Variants in FIG4 observed in about 807,000 individuals in gnomAD.
The protein encoded by FIG4 is FIG4 phosphoinositide 5-phosphatase.
A neutral mutation model predicts 118.6 loss-of-function variants in FIG4; 112 were observed. The observed-to-expected ratio is 0.94, with a 90% CI of 0.81 to 1.11. The LOEUF (loss-of-function observed/expected upper bound fraction) is 1.11, where lower values mean the gene tolerates loss of function less well. Ranked by LOEUF, FIG4 falls within the 50% of genes least tolerant of loss-of-function variation. The pLI, the probability that FIG4 is intolerant of heterozygous loss-of-function variation, is 0.00. For missense variants in FIG4, 969 were observed against 1,111.7 expected, an observed-to-expected ratio of 0.87 and a Z score of 1.83; for synonymous variants, 369 against 381.2, an observed-to-expected ratio of 0.97 and a Z score of 0.37.
chr6:109,756,810 T>C (rs910356918), intron 10 of FIG4, among the ~76,000 whole-genome samples: 1 of 152,214 alleles, frequency 6.6e-6, no homozygotes, highest in Non-Finnish European at 1.5e-5. Context: ...CACTTCTCTG[T>C]ATTGGTTATT....
At chr6:109,732,507 T>C in intron 4 of FIG4, 130 bp from the exon 5 acceptor site, 2 of 660,518 alleles carry the variant, frequency 3.0e-6, no homozygotes, top group Admixed American at 2.3e-5. Context: ...ATCCCTATTC[T>C]AGATATGGTT....
intron 22 of FIG4, among the ~76,000 whole-genome samples, chr6:109,806,908 A>G (rs1289690146): frequency 6.6e-6 from 1 of 152,140 alleles, no homozygotes; most frequent in Non-Finnish European, 1.5e-5. Context: ...TTCCAGCATC[A>G]TCCATGTCCC....
intron 21 of FIG4, among the ~76,000 whole-genome samples, chr6:109,795,849 C>T (rs1189630967): frequency 6.6e-6 from 1 of 152,100 alleles, no homozygotes; most frequent in Non-Finnish European, 1.5e-5. Flanking sequence ...GATCCGCCTG[C>T]CTCGGCCTCC....
At chr6:109,698,378 C>G (rs1345474604) in intron 1 of FIG4, among the ~76,000 whole-genome samples, 4 of 152,070 alleles carry the variant, frequency 2.6e-5, no homozygotes, top group Non-Finnish European at 5.9e-5. Flanking sequence ...TAATAAAAAG[C>G]CTGTTGGGAT....
chr6:109,800,028 A>G lies in FIG4; in HGVS notation c.2546+3177A>G, dbSNP rs116657140. 4.8e-3 allele frequency among the ~76,000 whole-genome samples: 736 copies of G among 152,276 alleles called. 7 individuals are homozygous for G. The highest frequency in any genetic ancestry group is 0.037 in the Middle Eastern group (11 of 294). On this transcript the variant is annotated intron_variant, in intron 22 of 22. Coordinates refer to ENST00000230124, the MANE Select transcript of FIG4 (RefSeq NM_014845.6). ...CCATAGCCTGTTCTAAGTTCTCACA[A>G]TAACCCTATAAAGTACATCTTATTA...
chr6:109,792,472 G>A, intron 20 of FIG4, 110 bp from the exon 21 acceptor site: 1 of 720,976 alleles, frequency 1.4e-6, no homozygotes, highest in Non-Finnish European at 2.4e-6. Flanking sequence ...AAGAAGCACT[G>A]TGATTGCTTT....
At chr6:109,782,367 G>A (rs1189402095) in intron 16 of FIG4, among the ~76,000 whole-genome samples, 1 of 152,072 alleles carries the variant, frequency 6.6e-6, no homozygotes, top group African/African-American at 2.4e-5. Context: ...ATATTTCTTT[G>A]CTTCTGAGAC....
chr6:109,723,779 G>GAA (rs1345818783), intron 3 of FIG4, among the ~76,000 whole-genome samples: 1 of 152,150 alleles, frequency 6.6e-6, no homozygotes, highest in Non-Finnish European at 1.5e-5. Flanking sequence ...GTTTTGGATG[G>GAA]AAAGCCCAGA....
intron 22 of FIG4, among the ~76,000 whole-genome samples, chr6:109,813,741 G>T (rs947265094): frequency 2.0e-5 from 3 of 152,290 alleles, no homozygotes; most frequent in Admixed American, 2.0e-4. Context: ...TGATAAGGTT[G>T]TGAAAGTTAT....
At chr6:109,796,892 A>C in intron 22 of FIG4, 41 bp downstream of exon 22, 1 of 1,132,304 alleles carries the variant, frequency 8.8e-7, no homozygotes, top group East Asian at 2.3e-5. Flanking sequence ...CTTTGTATTC[A>C]TGCCACTCAT....
At chr6:109,809,353 ATTG>A (rs1269889429) in intron 22 of FIG4, among the ~76,000 whole-genome samples, 1 of 152,206 alleles carries the variant, frequency 6.6e-6, no homozygotes, top group Admixed American at 6.5e-5. Flanking sequence ...TGTTTTAAAA[ATTG>A]TTATTTTTCA....
intron 15 of FIG4, 45 bp downstream of exon 15, chr6:109,766,940 C>T (rs1777298183): frequency 6.6e-7 from 1 of 1,518,976 alleles, no homozygotes. Context: ...CTCTGAAGTG[C>T]ATTTTTTGTA....
chr6:109,777,473 A>G lies in FIG4; in HGVS notation c.1889+413A>G, dbSNP rs571535592. 3.9e-5 allele frequency among the ~76,000 whole-genome samples: 6 copies of G among 152,346 alleles called. No homozygotes were observed. In the South Asian group the frequency reaches 6.2e-4, roughly 16 times the overall value. The stretch of plus-strand genomic sequence containing the variant: ...AGTTGTAGCTCCACTAAAGCAAACC[A>G]ACAGTATCATCTTTGAGTGTTTCCT... On this transcript the variant is annotated intron_variant, in intron 16 of 22. Transcript: ENST00000230124.
At chr6:109,775,130 C>T (rs1032794620) in intron 15 of FIG4, among the ~76,000 whole-genome samples, 8 of 152,160 alleles carry the variant, frequency 5.3e-5, no homozygotes, top group African/African-American at 1.9e-4. Context: ...CTAATCATTT[C>T]GCCCTCTTGT....
intron 1 of FIG4, among the ~76,000 whole-genome samples, chr6:109,692,836 G>T (rs1433604412): frequency 6.6e-6 from 1 of 152,036 alleles, no homozygotes; most frequent in Admixed American, 6.5e-5. Flanking sequence ...AAGTAGCTAG[G>T]ATTACAGGAA....
chr6:109,696,274 A>G (rs1774715432), intron 1 of FIG4, among the ~76,000 whole-genome samples: 1 of 152,212 alleles, frequency 6.6e-6, no homozygotes, highest in African/African-American at 2.4e-5. Flanking sequence ...TTCAAACTAG[A>G]TCCTGTTCAG....
intron 1 of FIG4, among the ~76,000 whole-genome samples, chr6:109,707,573 G>A (rs1775126931): frequency 6.6e-6 from 1 of 151,704 alleles, no homozygotes; most frequent in Non-Finnish European, 1.5e-5. Context: ...CTTTTAAAGT[G>A]TTACCTATTC....
chr6:109,758,262 A>T (rs1776985526), intron 10 of FIG4, among the ~76,000 whole-genome samples: 1 of 152,102 alleles, frequency 6.6e-6, no homozygotes, highest in Non-Finnish European at 1.5e-5. Flanking sequence ...AAACACATAC[A>T]TAGACCAATG....
intron 3 of FIG4, among the ~76,000 whole-genome samples, chr6:109,719,695 G>A (rs1213706091): frequency 6.6e-6 from 1 of 152,124 alleles, no homozygotes; most frequent in Non-Finnish European, 1.5e-5. Flanking sequence ...TGCTCAGCCT[G>A]AACTGTGTTT....
Sources: gnomAD v4.1 joint callset for allele counts (sites outside exome capture counted in the v4.1 genomes callset) on GRCh38, gnomAD v4.1.1 for gene constraint, MANE v1.5 for transcripts, NCBI Gene and HGNC (gene_info 2026-07-23, HGNC 2026-07-21) for gene names.